Variants in TANGO6 observed in about 807,000 individuals in gnomAD.
TANGO6 encodes the protein transport and Golgi organization protein 6 homolog.
TANGO6 carries 90 observed loss-of-function variants against 114.2 expected under a neutral mutation model. The ratio of observed to expected loss-of-function variants is 0.79; its 90% CI spans 0.66 to 0.94. The LOEUF (loss-of-function observed/expected upper bound fraction) is 0.94. Ranked by LOEUF, TANGO6 falls within the 40% of genes least tolerant of loss-of-function variation. TANGO6 has a pLI of 0.00. For missense variants in TANGO6, 1,274 were observed against 1,315.3 expected (o/e 0.97, Z 0.49); for synonymous variants, 477 against 509.8 (o/e 0.94, Z 0.87).
chr16:69,041,298 T>C (rs1249054840), intron 17 of TANGO6, among the ~76,000 whole-genome samples: 1 of 151,928 alleles, frequency 6.6e-6, no homozygotes, highest in African/African-American at 2.4e-5. Context: ...AATACAAAAT[T>C]AGCCAGGTGT....
rs941136581 is a variant in TANGO6 at position 68,929,525 on chromosome 16, G to A, written c.2644-713G>A. On this transcript the variant is annotated intron_variant, in intron 13 of 17. Coordinates refer to ENST00000261778, the MANE Select transcript of TANGO6 (RefSeq NM_024562.2). ...TAGAGACCAGCAGCATCAAGTTGAT[G>A]TCAAGAATTACTGTGCCAACGAAGA... Among the ~76,000 whole-genome samples the A allele has an allele frequency of 1.1e-4, 16 of 152,280 alleles. No individual in the cohort carries two copies. In the East Asian group the frequency reaches 2.5e-3, roughly 24 times the overall value.
At position 69,021,263 on chromosome 16, in the gene TANGO6, G is replaced by T. The variant is rs147166182; in HGVS notation, c.2843-1565G>T. ...GGGCTTCCTTGGTGTTCTCAGACAT[G>T]CCAGGCGTGCTCCTCTACAGGTTTT... is the stretch of plus-strand genomic sequence containing the variant. On this transcript the variant is annotated intron_variant, in intron 15 of 17. Coordinates refer to ENST00000261778, the MANE Select transcript of TANGO6 (RefSeq NM_024562.2). 4.5e-3 allele frequency among the ~76,000 whole-genome samples: 686 copies of T among 152,106 alleles called. 3 individuals are homozygous for T. Among genetic ancestry groups the T allele is most frequent in the South Asian group, 0.015 (72 of 4,808 alleles).
chr16:68,915,173 CAAAAAAAAAAA>C (rs1165497927), intron 11 of TANGO6, among the ~76,000 whole-genome samples: 1 of 73,836 alleles, frequency 1.4e-5, no homozygotes, highest in Non-Finnish European at 2.8e-5. Context: ...AACTCTGTCT[CAAAAAAAAAAA>C]AAAAAAAAGT....
chr16:68,997,824 C>CA (rs1234333600), intron 15 of TANGO6, among the ~76,000 whole-genome samples: 7 of 152,188 alleles, frequency 4.6e-5, no homozygotes, highest in African/African-American at 1.4e-4. Context: ...TTTACAAGGG[C>CA]ACCCTTAATC....
At chr16:68,966,428 C>T (rs533866561) in intron 14 of TANGO6, among the ~76,000 whole-genome samples, 24 of 150,564 alleles carry the variant, frequency 1.6e-4, no homozygotes, top group South Asian at 2.1e-4. Context: ...CATTTGAATC[C>T]GGGAGGCAGA....
chr16:69,034,398 G>A, intron 16 of TANGO6: 1 of 160,120 alleles, frequency 6.2e-6, no homozygotes, highest in Non-Finnish European at 1.4e-5. Flanking sequence ...ACCTATAGCT[G>A]CCTGACCCCC....
intron 14 of TANGO6, among the ~76,000 whole-genome samples, chr16:68,942,785 G>C (rs1445941962): frequency 1.3e-5 from 2 of 152,170 alleles, no homozygotes; most frequent in African/African-American, 4.8e-5. Flanking sequence ...TTTTTAAGGG[G>C]AGAAAATGCT....
chr16:68,890,763 A>G (rs902282766), intron 7 of TANGO6, among the ~76,000 whole-genome samples: 27 of 152,014 alleles, frequency 1.8e-4, no homozygotes, highest in African/African-American at 6.5e-4. Context: ...GCTCATGTCT[A>G]TAATCCCAGC....
chr16:69,039,115 G>A (rs1042020452), intron 16 of TANGO6, among the ~76,000 whole-genome samples: 30 of 152,242 alleles, frequency 2.0e-4, no homozygotes, highest in African/African-American at 7.0e-4. Flanking sequence ...AACCCGGGAA[G>A]CGGAGCTTGC....
At chr16:68,978,307 T>G (rs971698469) in intron 15 of TANGO6, among the ~76,000 whole-genome samples, 2 of 152,182 alleles carry the variant, frequency 1.3e-5, no homozygotes, top group African/African-American at 4.8e-5. Context: ...GAGGTGGGGA[T>G]GAAAGGCTGG....
intron 15 of TANGO6, among the ~76,000 whole-genome samples, chr16:69,020,297 G>A (rs539273068): frequency 6.6e-6 from 1 of 152,266 alleles, no homozygotes; most frequent in South Asian, 2.1e-4. Flanking sequence ...CCAAAGCATT[G>A]TTATGCAGCT....
intron 12 of TANGO6, among the ~76,000 whole-genome samples, chr16:68,920,797 T>C (rs1175869909): frequency 6.6e-6 from 1 of 152,060 alleles, no homozygotes; most frequent in Non-Finnish European, 1.5e-5. Flanking sequence ...ATTTTCCATA[T>C]TGTTTTAAAA....
At chr16:69,022,159 T>A (rs1959419424) in intron 15 of TANGO6, among the ~76,000 whole-genome samples, 1 of 151,770 alleles carries the variant, frequency 6.6e-6, no homozygotes, top group Non-Finnish European at 1.5e-5. Context: ...GTGCTGGGAT[T>A]ACAGGCGTGA....
At position 69,080,993 on chromosome 16, in the gene TANGO6, C is replaced by T. The variant is rs570471849; in HGVS notation, c.3109-2492C>T. Among the ~76,000 whole-genome samples, 362 of 152,122 alleles carry T rather than the reference C, an allele frequency of 2.4e-3. 2 individuals carry two copies. Among genetic ancestry groups the T allele is most frequent in the African/African-American group, 6.9e-3 (287 of 41,522 alleles). The stretch of plus-strand genomic sequence containing the variant: ...CTCTACTAAAAATACAAAAAATTAG[C>T]CAGGCGTGGTGGTGGGCACCTGTAG... On this transcript the variant is annotated intron_variant, in intron 17 of 17. Transcript: ENST00000261778.
At chr16:69,032,691 A>G (rs1179491989) in intron 16 of TANGO6, among the ~76,000 whole-genome samples, 1 of 152,108 alleles carries the variant, frequency 6.6e-6, no homozygotes, top group Non-Finnish European at 1.5e-5. Context: ...AGCCTAGCCA[A>G]GATGGTGAAA....
At chr16:68,954,167 T>G (rs1298210835) in intron 14 of TANGO6, among the ~76,000 whole-genome samples, 1 of 150,520 alleles carries the variant, frequency 6.6e-6, no homozygotes, top group East Asian at 1.9e-4. Context: ...GGAGAATTGC[T>G]TCAACCCAGG....
chr16:68,937,776 A>G (rs145013274), intron 14 of TANGO6: 224 of 152,274 alleles, frequency 1.5e-3, no homozygotes, highest in African/African-American at 5.2e-3. Flanking sequence ...TTATTTATCC[A>G]GCTCATTAAT....
intron 14 of TANGO6, chr16:68,933,686 C>A (rs1239076686): frequency 6.6e-6 from 1 of 152,222 alleles, no homozygotes; most frequent in Non-Finnish European, 1.5e-5. Context: ...TCAGGCCTGA[C>A]TCGGAGCAGA....
At chr16:69,026,909 C>T (rs1959510979) in intron 16 of TANGO6, among the ~76,000 whole-genome samples, 2 of 152,172 alleles carry the variant, frequency 1.3e-5, no homozygotes, top group African/African-American at 4.8e-5. Context: ...GTTCCCTATG[C>T]TGTAGTGCAG....
Sources: allele counts gnomAD v4.1 joint callset (sites outside exome capture counted in the v4.1 genomes callset), GRCh38; gene constraint gnomAD v4.1.1; transcripts MANE v1.5; gene names NCBI Gene and HGNC (gene_info 2026-07-23, HGNC 2026-07-21).